Variants in HS3ST4 observed in about 807,000 individuals in gnomAD.
HS3ST4 encodes heparan sulfate-glucosamine 3-sulfotransferase 4.
HS3ST4 carries 17 observed loss-of-function variants against 29.2 expected under a neutral mutation model. The ratio of observed to expected loss-of-function variants is 0.58; its 90% CI spans 0.40 to 0.87. The LOEUF is 0.87. Among genes scored for constraint, HS3ST4 ranks in the 40% least tolerant of loss-of-function variants. HS3ST4 has a pLI of 0.00. For missense variants in HS3ST4, 627 were observed against 634.5 expected (o/e 0.99, Z 0.13); for synonymous variants, 314 against 285.7 (o/e 1.10, Z -1.00).
intron 1 of HS3ST4, among the ~76,000 whole-genome samples, chr16:26,108,915 T>C (rs1423610849): frequency 2.6e-5 from 4 of 152,110 alleles, no homozygotes; most frequent in Non-Finnish European, 5.9e-5. Context: ...CATTGGAGCC[T>C]AATGGGTCCT....
intron 1 of HS3ST4, among the ~76,000 whole-genome samples, chr16:26,096,537 T>G (rs1363171244): frequency 1.3e-5 from 2 of 152,106 alleles, no homozygotes; most frequent in Non-Finnish European, 2.9e-5. Context: ...TTCAACACAA[T>G]TCCACAGCAC....
chr16:26,026,203 G>A (rs1158784858), intron 1 of HS3ST4, among the ~76,000 whole-genome samples: 8 of 152,104 alleles, frequency 5.3e-5, no homozygotes, highest in African/African-American at 4.8e-5. Context: ...CACCGCACCC[G>A]GCCGGAAACA....
At chr16:25,765,054 A>T (rs1966809193) in intron 1 of HS3ST4, among the ~76,000 whole-genome samples, 1 of 152,222 alleles carries the variant, frequency 6.6e-6, no homozygotes, top group Admixed American at 6.5e-5. Context: ...TAGCACAGCC[A>T]TGTTTTTGAG....
At chr16:25,961,806 CA>C (rs5816336) in intron 1 of HS3ST4, among the ~76,000 whole-genome samples, 34,401 of 145,122 alleles carry the variant, frequency 0.24, 4,676 homozygotes, top group African/African-American at 0.4. Context: ...AAGAGTTGGA[CA>C]AAAAAAAATT....
At chr16:25,908,958 T>A (rs1174230979) in intron 1 of HS3ST4, among the ~76,000 whole-genome samples, 1 of 152,198 alleles carries the variant, frequency 6.6e-6, no homozygotes, top group African/African-American at 2.4e-5. Flanking sequence ...TGTCCCTTGG[T>A]GCCCAGGGCT....
chr16:26,071,736 TG>T (rs1567306085), intron 1 of HS3ST4, among the ~76,000 whole-genome samples: 1 of 152,114 alleles, frequency 6.6e-6, no homozygotes, highest in Non-Finnish European at 1.5e-5. Context: ...ATGAGGAAAG[TG>T]AAGTGCCTAG....
At chr16:25,796,683 G>T (rs1258084014) in intron 1 of HS3ST4, among the ~76,000 whole-genome samples, 1 of 152,244 alleles carries the variant, frequency 6.6e-6, no homozygotes, top group Non-Finnish European at 1.5e-5. Context: ...CTTTACTGAG[G>T]CAGCTGCAGT....
chr16:25,852,534 C>A (rs938947061), intron 1 of HS3ST4, among the ~76,000 whole-genome samples: 2 of 150,806 alleles, frequency 1.3e-5, no homozygotes, highest in Non-Finnish European at 3.0e-5. Flanking sequence ...ATTTCATATG[C>A]ACATTATTTC....
At chr16:25,999,873 T>A (rs1259067896) in intron 1 of HS3ST4, among the ~76,000 whole-genome samples, 37 of 125,744 alleles carry the variant, frequency 2.9e-4, no homozygotes, top group Non-Finnish European at 4.1e-4. Flanking sequence ...ATTATATATT[T>A]TATATATATT....
intron 1 of HS3ST4, among the ~76,000 whole-genome samples, chr16:25,747,727 A>C (rs915443624): frequency 1.3e-5 from 2 of 152,182 alleles, no homozygotes; most frequent in Non-Finnish European, 2.9e-5. Flanking sequence ...ACACTTACAG[A>C]GGTCTCCACT....
At chr16:25,917,358 G>T (rs147332980) in intron 1 of HS3ST4, among the ~76,000 whole-genome samples, 1 of 152,038 alleles carries the variant, frequency 6.6e-6, no homozygotes, top group African/African-American at 2.4e-5. Flanking sequence ...GATTACAGGC[G>T]CATGCCACCA....
intron 1 of HS3ST4, among the ~76,000 whole-genome samples, chr16:26,012,931 G>A (rs559181686): frequency 1.3e-4 from 20 of 152,210 alleles, no homozygotes; most frequent in Non-Finnish European, 1.6e-4. Context: ...TTGGGAGGCC[G>A]AGGCGGGCAG....
At chr16:25,808,038 A>G (rs1227631907) in intron 1 of HS3ST4, among the ~76,000 whole-genome samples, 3 of 151,942 alleles carry the variant, frequency 2.0e-5, no homozygotes, top group Non-Finnish European at 2.9e-5. Flanking sequence ...ATCCTTTTTC[A>G]GATGTGTGAT....
At chr16:25,872,609 A>G (rs1967766822) in intron 1 of HS3ST4, among the ~76,000 whole-genome samples, 1 of 152,206 alleles carries the variant, frequency 6.6e-6, no homozygotes, top group South Asian at 2.1e-4. Context: ...TGTTCACAAC[A>G]GTGGCTGTAA....
At chr16:26,115,408 G>T (rs1385910453) in intron 1 of HS3ST4, among the ~76,000 whole-genome samples, 2 of 152,032 alleles carry the variant, frequency 1.3e-5, no homozygotes, top group African/African-American at 4.8e-5. Context: ...TCCAACGCAG[G>T]GTTCTGTGGA....
chr16:25,898,977 G>A (rs537363610), intron 1 of HS3ST4, among the ~76,000 whole-genome samples: 5 of 152,204 alleles, frequency 3.3e-5, no homozygotes, highest in African/African-American at 4.8e-5. Flanking sequence ...AGAAATACTG[G>A]TGGACAAGAT....
At chr16:25,849,677 C>T (rs944440418) in intron 1 of HS3ST4, among the ~76,000 whole-genome samples, 2 of 151,832 alleles carry the variant, frequency 1.3e-5, no homozygotes, top group African/African-American at 2.4e-5. Flanking sequence ...GCTAATATTA[C>T]GTATGTTTTT....
At chr16:25,817,589 C>T (rs1967106667) in intron 1 of HS3ST4, among the ~76,000 whole-genome samples, 1 of 152,114 alleles carries the variant, frequency 6.6e-6, no homozygotes, top group Non-Finnish European at 1.5e-5. Context: ...ATGGATGGTA[C>T]CCAGAAGAGA....
chr16:25,761,038 G>C (rs925486507), intron 1 of HS3ST4, among the ~76,000 whole-genome samples: 4 of 152,144 alleles, frequency 2.6e-5, no homozygotes, highest in African/African-American at 7.2e-5. Flanking sequence ...AGCTTGCCAG[G>C]GTGAATGCAT....
Sources: allele counts gnomAD v4.1 joint callset (sites outside exome capture counted in the v4.1 genomes callset), GRCh38; gene constraint gnomAD v4.1.1; transcripts MANE v1.5; gene names NCBI Gene and HGNC (gene_info 2026-07-23, HGNC 2026-07-21).